Variants in STRN observed in about 807,000 individuals in gnomAD.
The protein encoded by STRN is protein phosphatase 2 regulatory subunit B'''alpha.
Under a neutral mutation model 96.3 loss-of-function variants are expected in STRN, and 53 were observed. The observed-to-expected ratio is 0.55, with a 90% confidence interval of 0.44 to 0.69. The LOEUF (loss-of-function observed/expected upper bound fraction) is 0.69, where lower values mean the gene tolerates loss of function less well. Ranked by LOEUF, STRN falls within the 30% of genes least tolerant of loss-of-function variation. STRN has a pLI of 0.00. For missense variants in STRN, 987 were observed against 963.9 expected, an observed-to-expected ratio of 1.02 and a Z score of -0.32; for synonymous variants, 428 against 355.9, an observed-to-expected ratio of 1.20 and a Z score of -2.28.
chr2:36,965,977 A>C (rs2148287786), intron 1 of STRN, among the ~76,000 whole-genome samples: 1 of 152,166 alleles, frequency 6.6e-6, no homozygotes, highest in East Asian at 1.9e-4. Context: ...GGGAGTTAAG[A>C]GTGGGATGGG....
chr2:36,957,749 T>TG (rs1485005012), intron 1 of STRN, among the ~76,000 whole-genome samples: 5 of 76,788 alleles, frequency 6.5e-5, no homozygotes, highest in South Asian at 1.1e-3. Context: ...TTTGTCTTTT[T>TG]TTTTTTTTTT....
chr2:36,883,300 CA>C (rs34427273), intron 9 of STRN, among the ~76,000 whole-genome samples: 6,381 of 151,962 alleles, frequency 0.042, 195 homozygotes, highest in East Asian at 0.12. Context: ...ACTAAAAATA[CA>C]AAAAAATTAG....
chr2:36,959,502 C>T (rs1024505112), intron 1 of STRN, among the ~76,000 whole-genome samples: 3 of 152,200 alleles, frequency 2.0e-5, no homozygotes, highest in Non-Finnish European at 4.4e-5. Context: ...CTATTTCATT[C>T]TTGGTCATTC....
intron 13 of STRN, among the ~76,000 whole-genome samples, chr2:36,860,205 CAGAG>C (rs1668440786): frequency 6.6e-6 from 1 of 152,046 alleles, no homozygotes; most frequent in Non-Finnish European, 1.5e-5. Flanking sequence ...CGCAAAGAGA[CAGAG>C]AGAGATTCGA....
intron 9 of STRN, among the ~76,000 whole-genome samples, chr2:36,879,966 TAA>T (rs552826713): frequency 2.1e-5 from 3 of 141,070 alleles, no homozygotes; most frequent in Admixed American, 7.1e-5. Context: ...CCCTATATCT[TAA>T]AAAAAAAAAA....
intron 8 of STRN, among the ~76,000 whole-genome samples, chr2:36,886,306 C>T (rs1363287278): frequency 6.6e-6 from 1 of 151,990 alleles, no homozygotes; most frequent in African/African-American, 2.4e-5. Flanking sequence ...CTTTCTGTCA[C>T]CAATGTCTAA....
chr2:36,878,062 C>A (rs1280081679), intron 9 of STRN, 35 bp from the exon 10 acceptor site: 1 of 1,609,136 alleles, frequency 6.2e-7, no homozygotes, highest in African/African-American at 1.3e-5. Context: ...ATTAAAAAAT[C>A]TCTAAGGAGC....
At chr2:36,879,315 C>A (rs2540920) in intron 9 of STRN, among the ~76,000 whole-genome samples, 129,010 of 152,176 alleles carry the variant, frequency 0.85, 56,870 homozygotes, top group Non-Finnish European at 0.96. Flanking sequence ...GGTGATCCAC[C>A]GACCTTGGCC....
At chr2:36,895,687 G>A (rs1281435764) in intron 6 of STRN, among the ~76,000 whole-genome samples, 10 of 151,598 alleles carry the variant, frequency 6.6e-5, no homozygotes, top group Admixed American at 5.9e-4. Flanking sequence ...CGAGATGGGT[G>A]GATCACGAGG....
At chr2:36,953,402 CTTT>C (rs58389468) in intron 1 of STRN, among the ~76,000 whole-genome samples, 2 of 135,202 alleles carry the variant, frequency 1.5e-5, no homozygotes, top group Non-Finnish European at 1.6e-5. Flanking sequence ...AGATAAGGTC[CTTT>C]TTTTTTTTTT....
At chr2:36,938,345 G>T (rs1260951677) in intron 1 of STRN, among the ~76,000 whole-genome samples, 2 of 151,906 alleles carry the variant, frequency 1.3e-5, no homozygotes, top group African/African-American at 4.8e-5. Flanking sequence ...AGAATTGCTT[G>T]AATCTGGGAG....
rs149101127 is a variant in STRN, at chr2:36,852,228, T to C, written c.1979-1121A>G. Among the ~76,000 whole-genome samples, 59 of 152,322 alleles carry C rather than the reference T, an allele frequency of 3.9e-4. 1 individual carries two copies. The South Asian group carries it at 8.9e-3, about 23-fold the overall frequency. On this transcript the variant is annotated intron_variant, in intron 15 of 17. Coordinates refer to ENST00000263918, the MANE Select transcript of STRN (RefSeq NM_003162.4). ...ATCAGTAATTTAAAACCTCAGTGATTTCTGTTAAGCTTTTTTTAAGAGAAA... is the reference window on the plus strand; with the variant it reads ...ATCAGTAATTTAAAACCTCAGTGATCTCTGTTAAGCTTTTTTTAAGAGAAA...
chr2:36,882,426 T>G (rs1669095867), intron 9 of STRN, among the ~76,000 whole-genome samples: 1 of 152,106 alleles, frequency 6.6e-6, no homozygotes, highest in Admixed American at 6.6e-5. Flanking sequence ...CAGGCTGGAG[T>G]GCAGTAGCTA....
intron 7 of STRN, among the ~76,000 whole-genome samples, chr2:36,888,841 C>A (rs544074606): frequency 1.3e-5 from 2 of 152,030 alleles, no homozygotes; most frequent in African/African-American, 4.8e-5. Flanking sequence ...CCACCATGCC[C>A]GGCTAATTTT....
At chr2:36,881,118 C>CTTTT (rs3081783) in intron 9 of STRN, among the ~76,000 whole-genome samples, 2 of 78,978 alleles carry the variant, frequency 2.5e-5, no homozygotes, top group South Asian at 1.3e-3. Context: ...ACACTGCCTT[C>CTTTT]TTTTTTTTTT....
chr2:36,881,285 G>A (rs1669062507), intron 9 of STRN, among the ~76,000 whole-genome samples: 1 of 151,874 alleles, frequency 6.6e-6, no homozygotes, highest in African/African-American at 2.4e-5. Context: ...ACGCCACCAT[G>A]TCCAGCTAAT....
intron 2 of STRN, among the ~76,000 whole-genome samples, chr2:36,920,974 C>T (rs1670238577): frequency 6.6e-6 from 1 of 151,814 alleles, no homozygotes; most frequent in East Asian, 1.9e-4. Context: ...ACTCAGGAGA[C>T]TGAGGCAAGA....
At chr2:36,895,568 T>C (rs1458634128) in intron 6 of STRN, among the ~76,000 whole-genome samples, 1 of 151,928 alleles carries the variant, frequency 6.6e-6, no homozygotes, top group Non-Finnish European at 1.5e-5. Context: ...ATACAAACCA[T>C]ATTCTAATAA....
At chr2:36,947,275 T>C (rs1157414158) in intron 1 of STRN, among the ~76,000 whole-genome samples, 1 of 152,136 alleles carries the variant, frequency 6.6e-6, no homozygotes, top group East Asian at 1.9e-4. Flanking sequence ...AAACTTTTAC[T>C]AATAACTACC....
Sources: gnomAD v4.1 joint callset for allele counts (sites outside exome capture counted in the v4.1 genomes callset) on GRCh38, gnomAD v4.1.1 for gene constraint, MANE v1.5 for transcripts, NCBI Gene and HGNC (gene_info 2026-07-23, HGNC 2026-07-21) for gene names.